The following SRPK2 variants were observed in gnomAD, a reference collection of about 807,000 sequenced individuals.
SRPK2 encodes SRSF protein kinase 2.
In SRPK2, 21 loss-of-function variants were observed where a neutral mutation model predicts 90.8. That is an observed-to-expected ratio of 0.23 (90% CI 0.16 to 0.33). The LOEUF is 0.33. Ranked by LOEUF, SRPK2 falls within the 10% of genes least tolerant of loss-of-function variation. The pLI, the probability that SRPK2 is intolerant of heterozygous loss-of-function variation, is 1.00. For synonymous variants in SRPK2, 288 were observed against 311.1 expected, an observed-to-expected ratio of 0.93 and a Z score of 0.78; for missense variants, 620 against 869.0, an observed-to-expected ratio of 0.71 and a Z score of 3.60.
intron 2 of SRPK2, among the ~76,000 whole-genome samples, chr7:105,383,640 G>C (rs551865654): frequency 1.3e-5 from 2 of 151,334 alleles, no homozygotes; most frequent in African/African-American, 4.9e-5. Flanking sequence ...GGCTGGTCTC[G>C]AACTATTGAC....
intron 2 of SRPK2, among the ~76,000 whole-genome samples, chr7:105,372,169 T>G (rs577237945): frequency 4.1e-5 from 6 of 146,142 alleles, no homozygotes; most frequent in African/African-American, 1.5e-4. Context: ...AAAAGTTCTC[T>G]AGAAAACCAT....
chr7:105,146,724 T>G (rs1036866941), intron 7 of SRPK2, 66 bp from the exon 8 acceptor site: 2 of 1,495,192 alleles, frequency 1.3e-6, no homozygotes, highest in African/African-American at 2.8e-5. Context: ...TTTTATTTAT[T>G]TGAAAAACAT....
intron 2 of SRPK2, among the ~76,000 whole-genome samples, chr7:105,250,241 A>C (rs1585358969): frequency 6.6e-6 from 1 of 152,128 alleles, no homozygotes; most frequent in Non-Finnish European, 1.5e-5. Context: ...AGGCTGAGGC[A>C]GGAGAATCAC....
chr7:105,347,624 C>T (rs1816623115), intron 2 of SRPK2, among the ~76,000 whole-genome samples: 1 of 151,714 alleles, frequency 6.6e-6, no homozygotes, highest in East Asian at 2.0e-4. Flanking sequence ...GAGACTGAGG[C>T]GGGAGGATCG....
chr7:105,253,642 T>C (rs550132991), intron 2 of SRPK2, among the ~76,000 whole-genome samples: 1 of 151,394 alleles, frequency 6.6e-6, no homozygotes, highest in Non-Finnish European at 1.5e-5. Flanking sequence ...ATCCAAGCCG[T>C]CCTGAGACTA....
At chr7:105,330,712 G>T (rs1164276333) in intron 2 of SRPK2, among the ~76,000 whole-genome samples, 1 of 152,210 alleles carries the variant, frequency 6.6e-6, no homozygotes, top group East Asian at 1.9e-4. Flanking sequence ...ACGTGCAGTG[G>T]CTCCTGCCTG....
chr7:105,185,076 T>G (rs1462753944), intron 3 of SRPK2, among the ~76,000 whole-genome samples: 1 of 152,090 alleles, frequency 6.6e-6, no homozygotes, highest in Non-Finnish European at 1.5e-5. Flanking sequence ...TCAAAAACTT[T>G]GGGCTCATTT....
intron 2 of SRPK2, among the ~76,000 whole-genome samples, chr7:105,340,398 CCTTT>C (rs757464848): frequency 1.4e-5 from 2 of 146,144 alleles, no homozygotes; most frequent in Non-Finnish European, 3.0e-5. Flanking sequence ...TCTTTTCTCT[CCTTT>C]TTTTTTTTTT....
intron 7 of SRPK2, among the ~76,000 whole-genome samples, chr7:105,152,485 A>G (rs950488341): frequency 1.4e-4 from 22 of 152,116 alleles, no homozygotes; most frequent in Non-Finnish European, 5.9e-5. Context: ...ATTTTCAAAA[A>G]TAACATTTGT....
At chr7:105,394,219 C>CGCA (rs1401939388), upstream of SRPK2, among the ~76,000 whole-genome samples, 1 of 151,242 alleles carries the variant, frequency 6.6e-6, no homozygotes, top group Non-Finnish European at 1.5e-5. Context: ...TTCGGCTCAC[C>CGCA]GCAACCTCTG....
At chr7:105,373,938 T>C (rs1819995309) in intron 2 of SRPK2, among the ~76,000 whole-genome samples, 1 of 152,124 alleles carries the variant, frequency 6.6e-6, no homozygotes, top group Non-Finnish European at 1.5e-5. Context: ...CGACTTTCTT[T>C]CTTTTTTGAG....
At chr7:105,146,371 G>T (rs1003253562) in intron 8 of SRPK2, 122 bp downstream of exon 8, 3 of 887,946 alleles carry the variant, frequency 3.4e-6, no homozygotes, top group Admixed American at 6.0e-5. Context: ...GTTATTTCCA[G>T]CAATTAAACT....
At chr7:105,389,493 C>T (rs1822081551), upstream of SRPK2, 2 of 997,816 alleles carry the variant, frequency 2.0e-6, no homozygotes, top group East Asian at 2.1e-4. Context: ...CTCTAAGTGC[C>T]CTCCAGGATT....
chr7:105,185,629 G>A (rs529569586), intron 3 of SRPK2, among the ~76,000 whole-genome samples: 4 of 152,060 alleles, frequency 2.6e-5, no homozygotes, highest in African/African-American at 9.6e-5. Context: ...TAAAAAATGA[G>A]AAAGAGAAAA....
At chr7:105,216,668 A>AG (rs1563096046) in intron 2 of SRPK2, among the ~76,000 whole-genome samples, 17 of 151,510 alleles carry the variant, frequency 1.1e-4, no homozygotes, top group African/African-American at 3.9e-4. Flanking sequence ...AAAAAAAAAA[A>AG]AAGAGAGAGA....
intron 7 of SRPK2, among the ~76,000 whole-genome samples, chr7:105,150,138 T>C (rs1805421030): frequency 6.6e-6 from 1 of 152,220 alleles, no homozygotes; most frequent in African/African-American, 2.4e-5. Context: ...GTGAAGTAGA[T>C]AAAACTAGGA....
Position 105,168,053 on chromosome 7 carries a change from C to A in SRPK2, c.381G>T (p.Gln127His). ...FVAMKVVKSA[Q>H]HYTETALDEI... ...CATCCAAGGCTGTCTCCGTATAATG[C>A]TGGGCACTTTTTACAACTTTCATTG... is the stretch of plus-strand genomic sequence containing the variant. The change falls in exon 5 of 16, where the codon CAG (glutamine) becomes CAT (histidine). Residue 127 changes from glutamine (Q) to histidine (H), a missense_variant. Gln to His is a conservative substitution (Grantham distance 24, BLOSUM62 0). Coordinates refer to ENST00000393651, the MANE Select transcript of SRPK2 (RefSeq NM_182692.3). 6.2e-7 allele frequency: 1 copy of A among 1,612,948 alleles called. No individual in the cohort carries two copies. The highest frequency in any genetic ancestry group is 8.5e-7 in the Non-Finnish European group (1 of 1,179,520).
chr7:105,371,639 A>T (rs986424162), intron 2 of SRPK2, among the ~76,000 whole-genome samples: 1 of 150,518 alleles, frequency 6.6e-6, no homozygotes, highest in African/African-American at 2.4e-5. Context: ...GCATGCCTGT[A>T]GTCCCAGCTA....
chr7:105,132,614 G>T (rs1326321923), intron 13 of SRPK2, among the ~76,000 whole-genome samples, 177 bp downstream of exon 13: 1 of 152,196 alleles, frequency 6.6e-6, no homozygotes, highest in Non-Finnish European at 1.5e-5. Context: ...GCCTGAGGAG[G>T]ATCCTTCCAC....
Sources: allele counts gnomAD v4.1 joint callset (sites outside exome capture counted in the v4.1 genomes callset), GRCh38; gene constraint gnomAD v4.1.1; transcripts MANE v1.5; gene names NCBI Gene and HGNC (gene_info 2026-07-23, HGNC 2026-07-21).